The following ATAD2 variants were observed in gnomAD, a reference collection of about 807,000 sequenced individuals.
ATAD2 encodes the protein ATPase family AAA domain-containing protein 2.
ATAD2 carries 62 observed loss-of-function variants against 168.9 expected under a neutral mutation model. That is an observed-to-expected ratio of 0.37 (90% confidence interval 0.30 to 0.45). The LOEUF (loss-of-function observed/expected upper bound fraction) is 0.45, where lower values mean the gene tolerates loss of function less well. Among genes scored for constraint, ATAD2 ranks in the 20% least tolerant of loss-of-function variants. ATAD2 has a pLI of 1.00. For synonymous variants in ATAD2, 613 were observed against 571.6 expected (o/e 1.07, Z -1.03); for missense variants, 1,419 against 1,667.8 (o/e 0.85, Z 2.60).
chr8:123,412,130 G>C (rs1158719139), intron 1 of ATAD2, among the ~76,000 whole-genome samples: 1 of 152,124 alleles, frequency 6.6e-6, no homozygotes, highest in African/African-American at 2.4e-5. Context: ...TCAGCCACGC[G>C]AACTAGGGCA....
At chr8:123,352,018 G>A (rs1211805451) in intron 13 of ATAD2, among the ~76,000 whole-genome samples, 1 of 152,130 alleles carries the variant, frequency 6.6e-6, no homozygotes, top group East Asian at 1.9e-4. Flanking sequence ...AAAGTGCTGG[G>A]ATTACAGGTG....
intron 19 of ATAD2, among the ~76,000 whole-genome samples, chr8:123,343,903 G>A (rs1266290027): frequency 2.0e-5 from 3 of 152,222 alleles, no homozygotes; most frequent in Non-Finnish European, 4.4e-5. Context: ...AAAAAATGAT[G>A]ACAGGCAAGT....
At chr8:123,406,417 A>T (rs981995814) in intron 1 of ATAD2, among the ~76,000 whole-genome samples, 2 of 140,208 alleles carry the variant, frequency 1.4e-5, no homozygotes, top group South Asian at 2.1e-4. Flanking sequence ...TAATAAAATT[A>T]AAAAAAAAAC....
At chr8:123,349,494 A>G (rs760717669) in intron 13 of ATAD2, 50 bp from the exon 14 acceptor site, 12 of 1,512,070 alleles carry the variant, frequency 7.9e-6, no homozygotes, top group South Asian at 1.2e-5. Flanking sequence ...AACACAGTCT[A>G]TATCATTCAG....
intron 16 of ATAD2, 85 bp downstream of exon 16, chr8:123,347,007 A>T: frequency 5.1e-6 from 7 of 1,369,260 alleles, no homozygotes; most frequent in Non-Finnish European, 6.9e-6. Flanking sequence ...AGATTCTTTT[A>T]CAAATAAATA....
intron 1 of ATAD2, among the ~76,000 whole-genome samples, chr8:123,412,472 G>A (rs573665840): frequency 6.6e-6 from 1 of 152,144 alleles, no homozygotes; most frequent in Non-Finnish European, 1.5e-5. Flanking sequence ...TCACTCTGTT[G>A]CCCAGGCTGG....
At chr8:123,350,257 T>A (rs979449733) in intron 13 of ATAD2, among the ~76,000 whole-genome samples, 2 of 152,206 alleles carry the variant, frequency 1.3e-5, no homozygotes, top group African/African-American at 4.8e-5. Context: ...ATGACTTTTT[T>A]AATGTCTTCA....
At chr8:123,335,533 C>CT (rs1827891900) in intron 22 of ATAD2, among the ~76,000 whole-genome samples, 1 of 152,074 alleles carries the variant, frequency 6.6e-6, no homozygotes, top group African/African-American at 2.4e-5. Flanking sequence ...TAAAATGTAT[C>CT]TTTTTATCCA....
chr8:123,345,390 G>A (rs965805363), intron 18 of ATAD2, among the ~76,000 whole-genome samples: 40 of 151,954 alleles, frequency 2.6e-4, no homozygotes, highest in African/African-American at 8.9e-4. Context: ...AGCCAGGCGC[G>A]GTGGCTCATG....
chr8:123,360,007 C>T (rs992817931), intron 9 of ATAD2, among the ~76,000 whole-genome samples: 1 of 152,148 alleles, frequency 6.6e-6, no homozygotes, highest in Non-Finnish European at 1.5e-5. Context: ...GTGTCTAACA[C>T]AGACAGGGTA....
intron 13 of ATAD2, among the ~76,000 whole-genome samples, chr8:123,353,679 C>A (rs918510751): frequency 3.3e-5 from 5 of 151,988 alleles, no homozygotes; most frequent in Non-Finnish European, 5.9e-5. Flanking sequence ...ATTTAGAGAC[C>A]ACACTCAGGG....
At chr8:123,330,799 C>CTTA (rs1022032358) in intron 24 of ATAD2, among the ~76,000 whole-genome samples, 1 of 152,184 alleles carries the variant, frequency 6.6e-6, no homozygotes, top group Non-Finnish European at 1.5e-5. Flanking sequence ...GTATGCCTTT[C>CTTA]TTATAGCAAT....
Position 123,380,567 on chromosome 8 carries a change from T to C in ATAD2, c.282A>G (p.Glu94=). 1 of 1,614,086 alleles carries C rather than the reference T, an allele frequency of 6.2e-7. No homozygotes were observed. The highest frequency in any genetic ancestry group is 8.5e-7 in the Non-Finnish European group (1 of 1,179,982). Residue 94 remains glutamate, a synonymous_variant, in exon 2 of 28, where the codon GAA becomes GAG. Transcript: ENST00000287394. The part of the protein sequence containing the change: ...SSDSSFEKNV[E]ITEQLANGRH... ...TGCCATTAGCAAGTTGCTCCGTTAT[T>C]TCCACATTCTTCTCAAAACTAGAAT... is the stretch of plus-strand genomic sequence containing the variant.
At chr8:123,391,815 T>A (rs578259074) in intron 1 of ATAD2, among the ~76,000 whole-genome samples, 1 of 152,210 alleles carries the variant, frequency 6.6e-6, no homozygotes. Flanking sequence ...TCAGTATGAA[T>A]ACATTACCCC....
intron 15 of ATAD2, among the ~76,000 whole-genome samples, chr8:123,347,686 T>A (rs1828296492): frequency 6.6e-6 from 1 of 152,118 alleles, no homozygotes; most frequent in Non-Finnish European, 1.5e-5. Context: ...CAGACTAGAT[T>A]CACATTCCAG....
chr8:123,341,399 C>T (rs185660696), intron 19 of ATAD2, among the ~76,000 whole-genome samples: 14 of 152,272 alleles, frequency 9.2e-5, no homozygotes, highest in African/African-American at 3.1e-4. Flanking sequence ...AAGCCATTAT[C>T]TTTATTTCAA....
At chr8:123,376,762 G>C (rs1245585873) in intron 2 of ATAD2, among the ~76,000 whole-genome samples, 2 of 151,590 alleles carry the variant, frequency 1.3e-5, no homozygotes, top group African/African-American at 4.8e-5. Context: ...TTCAAGACAA[G>C]CCTGGGTAAC....
At chr8:123,378,767 G>A (rs1024331803) in intron 2 of ATAD2, among the ~76,000 whole-genome samples, 5 of 145,134 alleles carry the variant, frequency 3.4e-5, no homozygotes, top group African/African-American at 1.3e-4. Context: ...AGTCTTCTAA[G>A]TCATTACAAA....
intron 1 of ATAD2, among the ~76,000 whole-genome samples, chr8:123,386,190 A>C (rs950607324): frequency 6.6e-6 from 1 of 152,210 alleles, no homozygotes; most frequent in African/African-American, 2.4e-5. Context: ...CACTCAAAGA[A>C]GCGAATGCAG....
Sources: gnomAD v4.1 joint callset for allele counts (sites outside exome capture counted in the v4.1 genomes callset) on GRCh38, gnomAD v4.1.1 for gene constraint, MANE v1.5 for transcripts, NCBI Gene and HGNC (gene_info 2026-07-23, HGNC 2026-07-21) for gene names.